Variants in IPCEF1 observed in about 807,000 individuals in gnomAD.
The protein encoded by IPCEF1 is interactor protein for cytohesin exchange factors 1.
IPCEF1 carries 31 observed loss-of-function variants against 50.9 expected under a neutral mutation model. That is an observed-to-expected ratio of 0.61 (90% CI 0.46 to 0.82). The LOEUF is 0.82. Among genes scored for constraint, IPCEF1 ranks in the 40% least tolerant of loss-of-function variants. IPCEF1 has a pLI of 0.00. For missense variants in IPCEF1, 458 were observed against 514.0 expected (o/e 0.89, Z 1.05); for synonymous variants, 181 against 192.0 (o/e 0.94, Z 0.47).
chr6:154,323,280 T>C lies in IPCEF1; in HGVS notation c.-62+33392A>G, dbSNP rs536570596. ...CCTAGCGCCCCTCAACCAATCACTG[T>C]TGGGGGTTGATAAATACATATTCCA... On this transcript the variant is annotated intron_variant, in intron 1 of 11. Transcript: ENST00000367220. Among the ~76,000 whole-genome samples, 45 of 152,316 alleles carry C rather than the reference T, an allele frequency of 3.0e-4. 1 individual carries two copies. In the South Asian group the frequency reaches 6.6e-3, roughly 22 times the overall value.
intron 2 of IPCEF1, among the ~76,000 whole-genome samples, chr6:154,277,873 G>GCCAGCTTCCTGTGGTCCGC (rs1009669609): frequency 6.6e-6 from 1 of 150,948 alleles, no homozygotes; most frequent in African/African-American, 2.4e-5. Context: ...TTTTTTTCCA[G>GCCAGCTTCCTGTGGTCCGC]CCAGCTTCCT....
At chr6:154,197,789 T>C (rs1364553075) in intron 10 of IPCEF1, among the ~76,000 whole-genome samples, 1 of 152,228 alleles carries the variant, frequency 6.6e-6, no homozygotes, top group Non-Finnish European at 1.5e-5. Flanking sequence ...GGGATTTTAT[T>C]CTCTAGTATG....
At chr6:154,343,942 A>ACGTGGG (rs1783973143) in intron 1 of IPCEF1, among the ~76,000 whole-genome samples, 1 of 152,080 alleles carries the variant, frequency 6.6e-6, no homozygotes, top group Non-Finnish European at 1.5e-5. Context: ...ACATATCCCC[A>ACGTGGG]CGTGTGTAGA....
chr6:154,228,174 T>G (rs1309538594), intron 5 of IPCEF1, among the ~76,000 whole-genome samples: 1 of 151,930 alleles, frequency 6.6e-6, no homozygotes, highest in Non-Finnish European at 1.5e-5. Flanking sequence ...CTAAAAAGTT[T>G]CCTGCAGGCA....
rs557264583 is a variant in IPCEF1 at position 154,262,335 on chromosome 6, G to A, written c.36+3577C>T. On this transcript the variant is annotated intron_variant, in intron 3 of 11. Coordinates refer to ENST00000367220, the MANE Select transcript of IPCEF1 (RefSeq NM_001130700.2). ...GTAATGGCTTTAGGTCGGGAATTACGTGGATGATATGTTAGTCCTTTGGTA... is the reference window on the plus strand; with the variant it reads ...GTAATGGCTTTAGGTCGGGAATTACATGGATGATATGTTAGTCCTTTGGTA... Among the ~76,000 whole-genome samples the A allele has an allele frequency of 8.5e-5, 13 of 152,352 alleles. No individual in the cohort carries two copies. In the East Asian group the frequency reaches 1.9e-3, roughly 23 times the overall value.
intron 1 of IPCEF1, among the ~76,000 whole-genome samples, chr6:154,342,008 T>C (rs1584008142): frequency 6.6e-6 from 1 of 152,174 alleles, no homozygotes; most frequent in Non-Finnish European, 1.5e-5. Context: ...GGTTGAGTCA[T>C]GCAACATCCT....
intron 1 of IPCEF1, among the ~76,000 whole-genome samples, chr6:154,343,819 C>A (rs1783969028): frequency 6.6e-6 from 1 of 152,214 alleles, no homozygotes; most frequent in East Asian, 1.9e-4. Flanking sequence ...ACTGGGCTGG[C>A]AACCTTTGAT....
chr6:154,194,170 C>T (rs1350536871), intron 10 of IPCEF1, among the ~76,000 whole-genome samples: 8 of 152,094 alleles, frequency 5.3e-5, no homozygotes, highest in East Asian at 1.9e-4. Flanking sequence ...GAGGCCGAGG[C>T]GGGTGGATCA....
chr6:154,203,322 C>T (rs985164022), intron 9 of IPCEF1, among the ~76,000 whole-genome samples: 5 of 152,168 alleles, frequency 3.3e-5, no homozygotes, highest in Admixed American at 6.5e-5. Context: ...CAGGTAGGTG[C>T]TTTGCCTGGT....
chr6:154,181,673 C>G (rs1442865297), intron 10 of IPCEF1, among the ~76,000 whole-genome samples: 2 of 152,194 alleles, frequency 1.3e-5, no homozygotes, highest in Non-Finnish European at 2.9e-5. Flanking sequence ...CCACCCGGAG[C>G]CTCTGCTGCT....
intron 1 of IPCEF1, among the ~76,000 whole-genome samples, chr6:154,320,729 G>A (rs1401502610): frequency 3.3e-5 from 5 of 152,080 alleles, no homozygotes; most frequent in Non-Finnish European, 4.4e-5. Flanking sequence ...ATACATGGCC[G>A]GGCACTGTGG....
At chr6:154,191,538 G>T (rs900373240) in intron 10 of IPCEF1, among the ~76,000 whole-genome samples, 4 of 152,050 alleles carry the variant, frequency 2.6e-5, no homozygotes, top group Non-Finnish European at 5.9e-5. Context: ...GCTGGGCATG[G>T]TGGCGAGCGC....
chr6:154,178,876 T>G (rs756714306), intron 10 of IPCEF1, among the ~76,000 whole-genome samples: 9 of 152,176 alleles, frequency 5.9e-5, no homozygotes, highest in Non-Finnish European at 1.0e-4. Context: ...GTGTCTGACC[T>G]CTAATAACCT....
intron 1 of IPCEF1, among the ~76,000 whole-genome samples, chr6:154,322,680 T>A (rs992614400): frequency 2.6e-5 from 4 of 151,696 alleles, no homozygotes; most frequent in Admixed American, 2.0e-4. Context: ...CTACTAAAAA[T>A]ACAAAAATTA....
In IPCEF1 at chr6:154,157,862, A is replaced by G; in HGVS notation, c.*1966T>C. ...ATTTCCAGGGGCAAAAGGTTAAAGCACTGCTTTCCTAAACCAGGGCATCAG... is the reference window on the plus strand; with the variant it reads ...ATTTCCAGGGGCAAAAGGTTAAAGCGCTGCTTTCCTAAACCAGGGCATCAG... On this transcript the variant is annotated 3_prime_UTR_variant, in exon 12 of 12. Transcript: ENST00000367220. 1 of 152,360 alleles carries G rather than the reference A, an allele frequency of 6.6e-6. No homozygotes were observed. The allele number at this position is 152,360 out of a possible 1,614,324, so 9.4% of individuals were successfully genotyped here.
At position 154,319,482 on chromosome 6, in the gene IPCEF1, T is replaced by C. The variant is rs1314220336; in HGVS notation, c.-61-29726A>G. Among the ~76,000 whole-genome samples the C allele has an allele frequency of 2.6e-5, 4 of 152,222 alleles. No homozygotes were observed. The East Asian group carries it at 7.7e-4, about 29-fold the overall frequency. On this transcript the variant is annotated intron_variant, in intron 1 of 11. Transcript: ENST00000367220. The stretch of plus-strand genomic sequence containing the variant: ...AAATATATTTGTTCAAAAAATTGTT[T>C]CTACTCCTAAGATGTTTTCCACATA...
intron 1 of IPCEF1, among the ~76,000 whole-genome samples, chr6:154,291,680 G>GTTTTTTTTT (rs34064925): frequency 1.9e-5 from 2 of 104,478 alleles, no homozygotes; most frequent in Non-Finnish European, 3.7e-5. Flanking sequence ...CTCAGGAAAG[G>GTTTTTTTTT]TTTTTTTTTT....
intron 10 of IPCEF1, among the ~76,000 whole-genome samples, chr6:154,196,050 A>G (rs1018537962): frequency 6.6e-6 from 1 of 152,110 alleles, no homozygotes; most frequent in Non-Finnish European, 1.5e-5. Context: ...TCGGCCTCAC[A>G]AAGTGCTGGG....
At chr6:154,213,399 C>A (rs929968102) in intron 8 of IPCEF1, 5 of 155,536 alleles carry the variant, frequency 3.2e-5, no homozygotes, top group African/African-American at 9.6e-5. Context: ...TAGTTTTGTA[C>A]TAACTCACAA....
Sources: gnomAD v4.1 joint callset for allele counts (sites outside exome capture counted in the v4.1 genomes callset) on GRCh38, gnomAD v4.1.1 for gene constraint, MANE v1.5 for transcripts, NCBI Gene and HGNC (gene_info 2026-07-23, HGNC 2026-07-21) for gene names.